LINGO2: variants seen among roughly 807,000 people sequenced by gnomAD.
LINGO2 encodes the protein leucine-rich repeat and immunoglobulin-like domain-containing nogo receptor-interacting protein 2.
A neutral mutation model predicts 30.6 loss-of-function variants in LINGO2; 14 were observed. The ratio of observed to expected loss-of-function variants is 0.46; its 90% CI spans 0.30 to 0.72. LINGO2 has a LOEUF of 0.72. Among genes scored for constraint, LINGO2 ranks in the 30% least tolerant of loss-of-function variants. The pLI, the probability that LINGO2 is intolerant of heterozygous loss-of-function variation, is 0.07. For synonymous variants in LINGO2, 317 were observed against 288.5 expected (o/e 1.10, Z -1.00); for missense variants, 729 against 751.7 (o/e 0.97, Z 0.35).
chr9:28,538,158 G>C (rs1760376241), intron 1 of LINGO2, among the ~76,000 whole-genome samples: 2 of 151,864 alleles, frequency 1.3e-5, no homozygotes, highest in African/African-American at 4.8e-5. Context: ...TTCACTGAAA[G>C]AATACCAATA....
At chr9:28,665,820 C>G (rs73445592) in intron 1 of LINGO2, among the ~76,000 whole-genome samples, 1,669 of 151,352 alleles carry the variant, frequency 0.011, 32 homozygotes, top group East Asian at 0.082. Flanking sequence ...CATTGATGAT[C>G]AATATTGGCT....
the LINGO2 span, among the ~76,000 whole-genome samples, chr9:28,883,020 A>G: frequency 2.0e-5 from 3 of 152,250 alleles, no homozygotes; most frequent in East Asian, 3.9e-4. Context: ...GCCTTCCCCA[A>G]TTCAAACACA....
At chr9:28,726,080 A>G in the LINGO2 span, among the ~76,000 whole-genome samples, 1 of 152,254 alleles carries the variant, frequency 6.6e-6, no homozygotes, top group South Asian at 2.1e-4. Context: ...TAAGCTAAAT[A>G]TTGACTATAT....
the LINGO2 span, among the ~76,000 whole-genome samples, chr9:28,850,981 C>A: frequency 3.3e-5 from 5 of 151,930 alleles, no homozygotes; most frequent in South Asian, 1.0e-3. Flanking sequence ...CTTCCAGTAG[C>A]CTCTTTGAAT....
chr9:28,995,100 A>C, the LINGO2 span, among the ~76,000 whole-genome samples: 4 of 152,070 alleles, frequency 2.6e-5, no homozygotes, highest in Admixed American at 6.5e-5. Context: ...AAATGGGAGA[A>C]AATTTTGGCA....
intron 4 of LINGO2, among the ~76,000 whole-genome samples, chr9:28,090,262 A>G (rs1826039491): frequency 1.3e-5 from 2 of 152,180 alleles, no homozygotes; most frequent in Non-Finnish European, 2.9e-5. Flanking sequence ...CACAACAAAA[A>G]AAGAGAATTT....
chr9:28,696,316 C>T, the LINGO2 span, among the ~76,000 whole-genome samples: 2 of 151,834 alleles, frequency 1.3e-5, no homozygotes, highest in South Asian at 2.1e-4. Context: ...ATCTGTAGCA[C>T]GAGAATGACT....
the LINGO2 span, among the ~76,000 whole-genome samples, chr9:28,740,871 A>G: frequency 6.6e-6 from 1 of 152,014 alleles, no homozygotes; most frequent in South Asian, 2.1e-4. Context: ...TGTACAATAG[A>G]TCTTTTGACC....
the LINGO2 span, among the ~76,000 whole-genome samples, chr9:28,908,895 T>A: frequency 2.5e-4 from 38 of 152,058 alleles, no homozygotes; most frequent in African/African-American, 8.7e-4. Flanking sequence ...ATGATGTATA[T>A]GATTTTTGAT....
At chr9:28,649,672 T>C (rs1827999368) in intron 1 of LINGO2, among the ~76,000 whole-genome samples, 1 of 152,048 alleles carries the variant, frequency 6.6e-6, no homozygotes, top group African/African-American at 2.4e-5. Context: ...TTGTAAAAGC[T>C]TGGAAACACT....
the LINGO2 span, among the ~76,000 whole-genome samples, chr9:29,085,121 A>C: frequency 4.6e-5 from 7 of 151,754 alleles, no homozygotes; most frequent in Non-Finnish European, 1.5e-5. Flanking sequence ...TTTGTTCCTA[A>C]ATCGATCTAT....
chr9:28,480,006 A>G (rs1027706110), intron 1 of LINGO2, among the ~76,000 whole-genome samples: 4 of 145,528 alleles, frequency 2.7e-5, no homozygotes, highest in African/African-American at 1.0e-4. Context: ...GCAAAATTTC[A>G]ACCACCATAA....
At chr9:28,477,594 T>C (rs77258446) in intron 1 of LINGO2, among the ~76,000 whole-genome samples, 4,395 of 152,270 alleles carry the variant, frequency 0.029, 217 homozygotes, top group African/African-American at 0.099. Context: ...CCTTGATACC[T>C]TTCTTTTCCA....
At chr9:28,030,831 G>A (rs563144580) in intron 4 of LINGO2, among the ~76,000 whole-genome samples, 1 of 148,018 alleles carries the variant, frequency 6.8e-6, no homozygotes, top group Non-Finnish European at 1.5e-5. Context: ...GAAGGAAATG[G>A]AAAAACAAAA....
At chr9:28,521,885 T>C (rs1820842549) in intron 1 of LINGO2, among the ~76,000 whole-genome samples, 1 of 151,814 alleles carries the variant, frequency 6.6e-6, no homozygotes, top group Non-Finnish European at 1.5e-5. Context: ...TGGAGACAGG[T>C]TGGAATTATG....
Position 28,492,890 on chromosome 9 carries a change from T to C in LINGO2, c.-364-16865A>G, listed in dbSNP as rs1000949097. On this transcript the variant is annotated intron_variant, in intron 1 of 5. Transcript: ENST00000379992. Reference sequence around the variant, plus strand: ...GGGAGCGGGCGGGTGGACTACTTCATCACTGAGCAATTATCCTAAAAGCAG... The same window carrying C: ...GGGAGCGGGCGGGTGGACTACTTCACCACTGAGCAATTATCCTAAAAGCAG... Among the ~76,000 whole-genome samples the C allele has an allele frequency of 2.8e-4, 42 of 152,240 alleles. 1 individual carries two copies. The highest frequency in any genetic ancestry group is 9.6e-4 in the African/African-American group (40 of 41,546).
chr9:28,315,770 C>G (rs1824821996), intron 3 of LINGO2, among the ~76,000 whole-genome samples: 1 of 152,110 alleles, frequency 6.6e-6, no homozygotes, highest in African/African-American at 2.4e-5. Flanking sequence ...TTTATATACT[C>G]AAATTTTATC....
chr9:28,348,561 G>A (rs939241219), intron 3 of LINGO2, among the ~76,000 whole-genome samples: 17 of 152,168 alleles, frequency 1.1e-4, no homozygotes, highest in East Asian at 3.9e-4. Context: ...AGGCGGCAGC[G>A]AGGCTGGGGG....
chr9:27,965,440 C>A (rs959572783), intron 5 of LINGO2, among the ~76,000 whole-genome samples: 1 of 150,980 alleles, frequency 6.6e-6, no homozygotes, highest in African/African-American at 2.4e-5. Context: ...AAAAAACCCA[C>A]ACAATTTTCT....
Sources: gnomAD v4.1 joint callset for allele counts (sites outside exome capture counted in the v4.1 genomes callset) on GRCh38, gnomAD v4.1.1 for gene constraint, MANE v1.5 for transcripts, NCBI Gene and HGNC (gene_info 2026-07-23, HGNC 2026-07-21) for gene names.